Variants in ARID4B observed in about 807,000 individuals in gnomAD.
ARID4B encodes AT-rich interaction domain 4B.
A neutral mutation model predicts 147.5 loss-of-function variants in ARID4B; 26 were observed. The observed-to-expected ratio is 0.18, with a 90% confidence interval of 0.13 to 0.24. The LOEUF is 0.24. Among genes scored for constraint, ARID4B ranks in the 10% least tolerant of loss-of-function variants. ARID4B has a pLI of 1.00. For synonymous variants in ARID4B, 512 were observed against 507.9 expected (o/e 1.01, Z -0.11); for missense variants, 1,179 against 1,511.5 (o/e 0.78, Z 3.65).
At chr1:235,240,213 TTCC>T in intron 8 of ARID4B, 97 bp downstream of exon 8, 1 of 1,080,534 alleles carries the variant, frequency 9.3e-7, no homozygotes, top group Non-Finnish European at 1.3e-6. Context: ...CTAAAAACAT[TTCC>T]TCATTTTGTA....
chr1:235,232,303 C>T (rs552072342), intron 9 of ARID4B, among the ~76,000 whole-genome samples: 66 of 151,938 alleles, frequency 4.3e-4, no homozygotes, highest in African/African-American at 1.4e-3. Context: ...GCCTGTAGTC[C>T]CAGCTACTCG....
chr1:235,323,200 G>A (rs1674972126), intron 2 of ARID4B, among the ~76,000 whole-genome samples: 1 of 151,920 alleles, frequency 6.6e-6, no homozygotes, highest in Admixed American at 6.6e-5. Flanking sequence ...ACCATGCCCA[G>A]CTAATTTTTT....
rs185092729 is a variant in ARID4B, at chr1:235,293,821, T to C, written c.7-33069A>G. Among the ~76,000 whole-genome samples the C allele has an allele frequency of 7.9e-5, 12 of 152,186 alleles. No homozygotes were observed. In the East Asian group the frequency reaches 2.3e-3, roughly 29 times the overall value. On this transcript the variant is annotated intron_variant, in intron 2 of 23. Transcript: ENST00000264183. Reference sequence around the variant, plus strand: ...AACTAGGCATTAAGCAAAAAATATATATATACCAGACTTTTAGGAAAAGAT... The same window carrying C: ...AACTAGGCATTAAGCAAAAAATATACATATACCAGACTTTTAGGAAAAGAT...
chr1:235,169,539 C>A (rs1049255092), intron 23 of ARID4B, among the ~76,000 whole-genome samples: 1 of 147,304 alleles, frequency 6.8e-6, no homozygotes, highest in East Asian at 2.1e-4. Context: ...CCGCGCCCAG[C>A]CTGTTTGTTT....
intron 2 of ARID4B, among the ~76,000 whole-genome samples, chr1:235,300,847 C>A (rs930488733): frequency 6.6e-6 from 1 of 151,586 alleles, no homozygotes; most frequent in Non-Finnish European, 1.5e-5. Context: ...GTAGCTGGGA[C>A]TACAGGTGCA....
chr1:235,220,882 CT>C (rs1558216191), intron 14 of ARID4B, among the ~76,000 whole-genome samples: 2 of 115,432 alleles, frequency 1.7e-5, no homozygotes, highest in African/African-American at 6.5e-5. Flanking sequence ...CAGCAGCATC[CT>C]TTTTTTGTTT....
chr1:235,308,481 G>A lies in ARID4B; in HGVS notation c.6+18433C>T, dbSNP rs547279062. Among the ~76,000 whole-genome samples the A allele has an allele frequency of 6.4e-3, 378 of 58,916 alleles. 1 individual carries two copies. In the Middle Eastern group the frequency reaches 0.076, roughly 12 times the overall value. 38.7% of individuals were successfully genotyped at this position (58,916 alleles called of 152,430 possible). A position where few individuals can be genotyped will look rare whatever the true frequency, so the allele number is the denominator to read the frequency against. ...TCCCTCTCCCTATCCCTCTCCCCAC[G>A]GTCTCCCTCTCCCTCTCTTTCCACG... On this transcript the variant is annotated intron_variant, in intron 2 of 23. Coordinates refer to ENST00000264183, the MANE Select transcript of ARID4B (RefSeq NM_016374.6).
At position 235,246,430 on chromosome 1, in the gene ARID4B, ATCT is replaced by A; in HGVS notation, c.433_435del (p.Arg145del). 6.2e-7 allele frequency: 1 copy of A among 1,607,206 alleles called. No homozygotes were observed. The highest frequency in any genetic ancestry group is 8.5e-7 in the Non-Finnish European group (1 of 1,173,688). ...TGAAAATGGACTTACATATGATTAGATCTTCTTCCTCTATTTGTTTTCTTTCCT... is the reference window on the plus strand; with the variant it reads ...TGAAAATGGACTTACATATGATTAGATCTTCCTCTATTTGTTTTCTTTCCT... On this transcript the variant is annotated inframe_deletion, in exon 7 of 24. Coordinates refer to ENST00000264183, the MANE Select transcript of ARID4B (RefSeq NM_016374.6).
chr1:235,194,182 A>T lies in ARID4B; in HGVS notation c.1956T>A (p.Asp652Glu). 1 of 1,611,704 alleles carries T rather than the reference A, an allele frequency of 6.2e-7. No homozygotes were observed. Among genetic ancestry groups the T allele is most frequent in the Non-Finnish European group, 8.5e-7 (1 of 1,178,048 alleles). Residue 652 changes from aspartate to glutamate, a missense_variant, in exon 19 of 24, where the codon GAT (aspartate) becomes GAA (glutamate). Asp to Glu is a conservative substitution (Grantham distance 45, BLOSUM62 2). Transcript: ENST00000264183. ...TACAGTTTTTTGGAGAGTATTTTTCATCTTTGTCTTTTTCTTTGTCTAATT... is the reference window on the plus strand; with the variant it reads ...TACAGTTTTTTGGAGAGTATTTTTCTTCTTTGTCTTTTTCTTTGTCTAATT... ...KNKLDKEKDK[D>E]EKYSPKNCKL...
intron 2 of ARID4B, among the ~76,000 whole-genome samples, chr1:235,294,466 A>C (rs1163863138): frequency 1.8e-5 from 1 of 55,426 alleles, no homozygotes; most frequent in East Asian, 4.7e-4. Context: ...GCTTGAACCC[A>C]GGGGTTCAAG....
At chr1:235,307,087 G>GA (rs912528715) in intron 2 of ARID4B, among the ~76,000 whole-genome samples, 10 of 151,824 alleles carry the variant, frequency 6.6e-5, no homozygotes, top group Non-Finnish European at 8.8e-5. Flanking sequence ...AAATTACAGA[G>GA]AAAAAAAATT....
intron 11 of ARID4B, among the ~76,000 whole-genome samples, chr1:235,227,536 G>A (rs959517649): frequency 2.0e-5 from 3 of 152,088 alleles, no homozygotes; most frequent in African/African-American, 4.8e-5. Flanking sequence ...ATTACATACT[G>A]ACCAATTAAT....
Position 235,181,890 on chromosome 1 carries a change from T to A in ARID4B, c.3029A>T (p.Glu1010Val), listed in dbSNP as rs1664335486. ...TGAATTACTGCCACTACTTGGAAAT[T>A]CTGCTTTTCTGTCATTGACCTCTAC... ...KTVEVNDRKAEFPSSGSNSVL... is the reference protein window; with the variant it reads ...KTVEVNDRKAVFPSSGSNSVL... The change falls in exon 20 of 24, where the codon GAA becomes GTA. Residue 1010 changes from glutamate to valine, a missense_variant. Transcript: ENST00000264183. 1 of 1,614,182 alleles carries A rather than the reference T, an allele frequency of 6.2e-7. No individual in the cohort carries two copies. The highest frequency in any genetic ancestry group is 1.3e-5 in the African/African-American group (1 of 75,052).
chr1:235,168,284 T>TTC lies in ARID4B; in HGVS notation c.*239_*240dup, dbSNP rs1234633571. ...CCTCCATTTGCCACAGTGGAAGGCC[T>TTC]TCCAGTTACCAGACACACAATTCCC... On this transcript the variant is annotated 3_prime_UTR_variant, in exon 24 of 24. Coordinates refer to ENST00000264183, the MANE Select transcript of ARID4B (RefSeq NM_016374.6). The TTC allele has an allele frequency of 2.4e-6, 1 of 418,816 alleles. No individual in the cohort carries two copies. The highest frequency in any genetic ancestry group is 4.3e-6 in the Non-Finnish European group (1 of 231,848). The allele number at this position is 418,816 out of a possible 1,614,324, so 25.9% of individuals were successfully genotyped here.
Position 235,308,939 on chromosome 1 carries a change from G to A in ARID4B, c.6+17975C>T, listed in dbSNP as rs1673797697. 4.0e-5 allele frequency among the ~76,000 whole-genome samples: 6 copies of A among 149,748 alleles called. No homozygotes were observed. In the South Asian group the frequency reaches 8.5e-4, roughly 21 times the overall value. ...GAGCGTCTCTGCCTGGCCGCCCATC[G>A]TCTGGGACGTGAGGAGCCCCTCTGC... On this transcript the variant is annotated intron_variant, in intron 2 of 23. Transcript: ENST00000264183.
intron 2 of ARID4B, among the ~76,000 whole-genome samples, chr1:235,311,399 A>AATT (rs1553317774): frequency 3.7e-5 from 5 of 135,278 alleles, no homozygotes; most frequent in African/African-American, 1.1e-4. Flanking sequence ...TAATAATAAT[A>AATT]ATTCATAGGA....
chr1:235,191,023 T>C (rs572923705), intron 19 of ARID4B, among the ~76,000 whole-genome samples: 96 of 152,186 alleles, frequency 6.3e-4, no homozygotes, highest in Non-Finnish European at 1.3e-3. Context: ...TTTATCTTGT[T>C]TCAACTATGT....
intron 14 of ARID4B, 52 bp downstream of exon 14, chr1:235,221,513 T>G: frequency 9.4e-7 from 1 of 1,063,430 alleles, no homozygotes; most frequent in African/African-American, 1.6e-5. Flanking sequence ...AATTTCATCC[T>G]GCTTTCTAGG....
chr1:235,276,235 G>A (rs969784974), intron 2 of ARID4B, among the ~76,000 whole-genome samples: 1 of 150,504 alleles, frequency 6.6e-6, no homozygotes, highest in Non-Finnish European at 1.5e-5. Flanking sequence ...GCTATTTGAG[G>A]TCATCAGATC....
Sources: gnomAD v4.1 joint callset for allele counts (sites outside exome capture counted in the v4.1 genomes callset) on GRCh38, gnomAD v4.1.1 for gene constraint, MANE v1.5 for transcripts, NCBI Gene and HGNC (gene_info 2026-07-23, HGNC 2026-07-21) for gene names.